PPP1R2: variants seen among roughly 807,000 people sequenced by gnomAD.
The protein encoded by PPP1R2 is protein phosphatase inhibitor 2.
Under a neutral mutation model 29.9 loss-of-function variants are expected in PPP1R2, and 16 were observed. The ratio of observed to expected loss-of-function variants is 0.53; its 90% CI spans 0.36 to 0.81. The LOEUF is 0.81. PPP1R2 is among the 30% of genes least tolerant of loss of function. The probability of loss-of-function intolerance (pLI) is 0.00; values close to 1 mark genes in which losing one functional copy is unlikely to be tolerated. For synonymous variants in PPP1R2, 76 were observed against 91.5 expected, an observed-to-expected ratio of 0.83 and a Z score of 0.96; for missense variants, 197 against 252.7, an observed-to-expected ratio of 0.78 and a Z score of 1.49.
At chr3:195,535,332 CT>C (rs1307065679) in intron 1 of PPP1R2, among the ~76,000 whole-genome samples, 2 of 152,214 alleles carry the variant, frequency 1.3e-5, no homozygotes, top group African/African-American at 2.4e-5. Flanking sequence ...ATGGAAAAGA[CT>C]GTCAACCCTC....
intron 4 of PPP1R2, among the ~76,000 whole-genome samples, chr3:195,521,272 G>C (rs1344905452): frequency 5.1e-5 from 6 of 117,998 alleles, no homozygotes; most frequent in African/African-American, 2.0e-4. Flanking sequence ...CGAAGATCGC[G>C]CCACTGCACT....
chr3:195,515,809 CTAA>C lies in PPP1R2; in HGVS notation c.*1084_*1086del, dbSNP rs1285159355. 1 of 152,100 alleles carries C rather than the reference CTAA, an allele frequency of 6.6e-6. No homozygotes were observed. Among genetic ancestry groups the C allele is most frequent in the East Asian group, 1.9e-4 (1 of 5,198 alleles). The allele number at this position is 152,100 out of a possible 1,614,324, so 9.4% of individuals were successfully genotyped here. A position where few individuals can be genotyped will look rare whatever the true frequency, so the allele number is the denominator to read the frequency against. Reference sequence around the variant, plus strand: ...TTTTCTTAAGTCTAATTAATCCAAACTAATAATAGCCATTTAATTAGCAATCTG... The same window carrying C: ...TTTTCTTAAGTCTAATTAATCCAAACTAATAGCCATTTAATTAGCAATCTG... On this transcript the variant is annotated 3_prime_UTR_variant, in exon 6 of 6. Coordinates refer to ENST00000618156, the MANE Select transcript of PPP1R2 (RefSeq NM_006241.8).
At position 195,542,993 on chromosome 3, in the gene PPP1R2, G is replaced by A; in HGVS notation, c.33C>T (p.Ile11=). Residue 11 remains isoleucine (I), a synonymous_variant, in exon 1 of 6, where the codon ATC becomes ATT. Transcript: ENST00000618156. ...AGGTCTTGTTCTTCAAGATCCCCTT[G>A]ATGGGCCGGTGCGAGGCCGTCGAGG... MAASTASHRP[I]KGILKNKTST... 2 of 1,602,242 alleles carry A rather than the reference G, an allele frequency of 1.2e-6. No individual in the cohort carries two copies. The highest frequency in any genetic ancestry group is 1.7e-6 in the Non-Finnish European group (2 of 1,174,686).
In PPP1R2 at chr3:195,523,645, C is replaced by T. The variant is rs145708699; in HGVS notation, c.403+47G>A. On this transcript the variant is annotated intron_variant, in intron 4 of 5. Coordinates refer to ENST00000618156, the MANE Select transcript of PPP1R2 (RefSeq NM_006241.8). ...CTTCCAAATAATGGATTTATCTTAG[C>T]AAAAATTACTAGCACCATGATGAAA... 2.8e-3 allele frequency: 4,210 copies of T among 1,492,930 alleles called. 7 individuals carry two copies. The highest frequency in any genetic ancestry group is 3.7e-3 in the Non-Finnish European group (3,953 of 1,075,258). 92.5% of individuals were successfully genotyped at this position (1,492,930 alleles called of 1,614,324 possible).
rs1179198370 is a variant in PPP1R2, at chr3:195,519,144, T to C, written c.445A>G (p.Asn149Asp). Residue 149 changes from asparagine (N) to aspartate (D), a missense_variant, in exon 5 of 6, where the codon AAT (asparagine) becomes GAT (aspartate). By Grantham distance (23) the Asn-to-Asp change is conservative (BLOSUM62 1). This residue lies in a region of PPP1R2 where 135 missense variants were observed against 163.0 expected (regional missense o/e 0.83). Transcript: ENST00000618156. Reference sequence around the variant, plus strand: ...GCTAGTTTGATATTGAGTCCTTCATTGTAGTGAAGCTTCCTTTTCATTTCA... The same window carrying C: ...GCTAGTTTGATATTGAGTCCTTCATCGTAGTGAAGCTTCCTTTTCATTTCA... ...QFEMKRKLHY[N>D]EGLNIKLARQ... 35 of 1,604,050 alleles carry C rather than the reference T, an allele frequency of 2.2e-5. No individual in the cohort carries two copies. The highest frequency in any genetic ancestry group is 2.7e-5 in the Non-Finnish European group (32 of 1,177,688).
At chr3:195,542,796 G>T in intron 1 of PPP1R2, 108 bp downstream of exon 1, 1 of 1,337,094 alleles carries the variant, frequency 7.5e-7, no homozygotes, top group South Asian at 1.6e-5. Context: ...GAAGAGACTC[G>T]AGCGGCACCC....
intron 1 of PPP1R2, among the ~76,000 whole-genome samples, chr3:195,539,891 A>G (rs1384504668): frequency 1.3e-5 from 2 of 152,188 alleles, no homozygotes; most frequent in Non-Finnish European, 2.9e-5. Context: ...AGAATTATCT[A>G]ATGATAGTAG....
Position 195,543,299 on chromosome 3 carries a change from A to T in PPP1R2, c.-274T>A. ...CGGAGAGACGCCGGCCTAGAGCTCC[A>T]GCGCAGGAGCGACGCGACGCCGAAG... On this transcript the variant is annotated 5_prime_UTR_variant, in exon 1 of 6. Coordinates refer to ENST00000618156, the MANE Select transcript of PPP1R2 (RefSeq NM_006241.8). 1 of 295,218 alleles carries T rather than the reference A, an allele frequency of 3.4e-6. No homozygotes were observed. Among genetic ancestry groups the T allele is most frequent in the South Asian group, 7.2e-5 (1 of 13,966 alleles). 18.3% of individuals were successfully genotyped at this position (295,218 alleles called of 1,614,324 possible).
intron 4 of PPP1R2, among the ~76,000 whole-genome samples, chr3:195,523,379 C>A (rs114548059): frequency 6.6e-6 from 1 of 152,206 alleles, no homozygotes; most frequent in South Asian, 2.1e-4. Context: ...ACCGTCCAAA[C>A]GCTCAATGAC....
rs1200514322 is a variant in PPP1R2, at chr3:195,516,092, G to A, written c.*804C>T. The A allele has an allele frequency of 3.9e-5, 6 of 152,316 alleles. No homozygotes were observed. The highest frequency in any genetic ancestry group is 7.4e-5 in the Non-Finnish European group (5 of 67,968). 9.4% of individuals were successfully genotyped at this position (152,316 alleles called of 1,614,324 possible). On this transcript the variant is annotated 3_prime_UTR_variant, in exon 6 of 6. Transcript: ENST00000618156. ...AAAGGAGTAGGAAAGAAAAGCAGGAGGTTAAGACAGGTATTTAAAGGGAAT... is the reference window on the plus strand; with the variant it reads ...AAAGGAGTAGGAAAGAAAAGCAGGAAGTTAAGACAGGTATTTAAAGGGAAT...
At chr3:195,532,854 C>T (rs559521343) in intron 1 of PPP1R2, among the ~76,000 whole-genome samples, 83 of 152,268 alleles carry the variant, frequency 5.5e-4, no homozygotes, top group African/African-American at 1.9e-3. Flanking sequence ...TCTACTTTAT[C>T]ATTTACTACC....
At chr3:195,520,484 C>T (rs1326553509) in intron 4 of PPP1R2, among the ~76,000 whole-genome samples, 7 of 152,068 alleles carry the variant, frequency 4.6e-5, no homozygotes, top group Admixed American at 3.9e-4. Context: ...TGGTAGTACA[C>T]GACTGTGGTC....
intron 4 of PPP1R2, among the ~76,000 whole-genome samples, chr3:195,520,803 G>A (rs1490860286): frequency 6.6e-6 from 1 of 151,810 alleles, no homozygotes; most frequent in Non-Finnish European, 1.5e-5. Context: ...ACAGATGCGT[G>A]CCACCACACC....
In PPP1R2 at chr3:195,543,091, G is replaced by A. The variant is rs948567515; in HGVS notation, c.-66C>T. 2.6e-6 allele frequency: 4 copies of A among 1,526,102 alleles called. No homozygotes were observed. In the South Asian group the frequency reaches 3.7e-5, roughly 14 times the overall value. 94.5% of individuals were successfully genotyped at this position (1,526,102 alleles called of 1,614,324 possible). A position where few individuals can be genotyped will look rare whatever the true frequency, so the allele number is the denominator to read the frequency against. ...CGTGGGGTCCGCGAAGAGAAGGGTC[G>A]GCACAGCAGAGACTCGCAGGCAGCC... On this transcript the variant is annotated 5_prime_UTR_variant, in exon 1 of 6. Transcript: ENST00000618156.
chr3:195,519,678 A>G (rs1482159405), intron 4 of PPP1R2: 1 of 152,054 alleles, frequency 6.6e-6, no homozygotes, highest in African/African-American at 2.4e-5. Context: ...CTTTAAAACA[A>G]TTCTTACCTG....
intron 1 of PPP1R2, among the ~76,000 whole-genome samples, chr3:195,536,783 C>T (rs1159132004): frequency 1.6e-5 from 2 of 128,248 alleles, no homozygotes; most frequent in Admixed American, 8.0e-5. Context: ...AGCGAAACTC[C>T]GTCTCAAAAA....
intron 4 of PPP1R2, among the ~76,000 whole-genome samples, chr3:195,521,881 C>T (rs1166894337): frequency 6.6e-6 from 1 of 152,048 alleles, no homozygotes; most frequent in African/African-American, 2.4e-5. Context: ...AAACTCCTGG[C>T]CTCAAGAGAT....
intron 5 of PPP1R2, among the ~76,000 whole-genome samples, chr3:195,517,451 A>C (rs1334455515): frequency 2.0e-5 from 3 of 152,164 alleles, no homozygotes; most frequent in African/African-American, 7.2e-5. Context: ...TAAGGTACTT[A>C]TTTCCCTAAG....
intron 4 of PPP1R2, among the ~76,000 whole-genome samples, chr3:195,523,419 CTGAG>C (rs1312305593): frequency 6.6e-6 from 1 of 152,220 alleles, no homozygotes; most frequent in East Asian, 1.9e-4. Flanking sequence ...AAAGTATTTA[CTGAG>C]TATCTACTCT....
Sources: allele counts gnomAD v4.1 joint callset (sites outside exome capture counted in the v4.1 genomes callset), GRCh38; gene constraint gnomAD v4.1.1; regional missense constraint gnomAD v4.1.1; transcripts MANE v1.5; gene names NCBI Gene and HGNC (gene_info 2026-07-23, HGNC 2026-07-21).